NPHP3: variants seen among roughly 807,000 people sequenced by gnomAD.
NPHP3 encodes nephrocystin-3.
In NPHP3, 123 loss-of-function variants were observed where a neutral mutation model predicts 171.9. The observed-to-expected ratio is 0.72, with a 90% CI of 0.62 to 0.83. The LOEUF is 0.83. NPHP3 is among the 40% of genes least tolerant of loss of function. The pLI is 0.00. For synonymous variants in NPHP3, 558 were observed against 579.2 expected (o/e 0.96, Z 0.52); for missense variants, 1,506 against 1,591.9 (o/e 0.95, Z 0.92).
chr3:132,716,737 T>C lies in NPHP3; in HGVS notation c.823+20A>G, dbSNP rs898519948. Reference sequence around the variant, plus strand: ...CAGTCACTACCACTAGGCAAGTAATTGACAAACAGCATGTATTACCTCTAT... The same window carrying C: ...CAGTCACTACCACTAGGCAAGTAATCGACAAACAGCATGTATTACCTCTAT... On this transcript the variant is annotated intron_variant, in intron 4 of 26. Transcript: ENST00000337331. The C allele has an allele frequency of 7.4e-6, 12 of 1,612,772 alleles. No homozygotes were observed. Among genetic ancestry groups the C allele is most frequent in the Middle Eastern group, 1.7e-4 (1 of 5,728 alleles).
At chr3:132,705,909 T>A in intron 7 of NPHP3, 95 bp from the exon 8 acceptor site, 1 of 698,080 alleles carries the variant, frequency 1.4e-6, no homozygotes. Flanking sequence ...ACAGGAACTA[T>A]TCTAAATATT....
At chr3:132,712,755 G>C (rs533662715) in intron 6 of NPHP3, among the ~76,000 whole-genome samples, 1 of 151,298 alleles carries the variant, frequency 6.6e-6, no homozygotes, top group Non-Finnish European at 1.5e-5. Context: ...GACAGAGCAA[G>C]ACTCTGTCTC....
At chr3:132,685,998 G>C (rs766308135) in intron 23 of NPHP3, 1 of 373,378 alleles carries the variant, frequency 2.7e-6, no homozygotes, top group East Asian at 6.4e-5. Context: ...GCAGTGAGCC[G>C]AGATCACACC....
At position 132,689,209 on chromosome 3, in the gene NPHP3, A is replaced by G; in HGVS notation, c.2748T>C (p.Ser916=). The G allele has an allele frequency of 2.5e-6, 4 of 1,614,138 alleles. No homozygotes were observed. Among genetic ancestry groups the G allele is most frequent in the Non-Finnish European group, 1.7e-6 (2 of 1,179,986 alleles). ...AATCGAAGTATTCTGTTGCCATTGCACTTTTGTCTTTGCCAACAAACTGCC... is the reference window on the plus strand; with the variant it reads ...AATCGAAGTATTCTGTTGCCATTGCGCTTTTGTCTTTGCCAACAAACTGCC... ...SYWQFVGKDK[S]AMATEYFDSL... is the part of the protein sequence containing the mutation. The change falls in exon 20 of 27, where the codon AGT becomes AGC. Residue 916 remains serine, a synonymous_variant. Coordinates refer to ENST00000337331, the MANE Select transcript of NPHP3 (RefSeq NM_153240.5).
intron 22 of NPHP3, 26 bp downstream of exon 22, chr3:132,687,125 A>C (rs773489612): frequency 8.6e-7 from 1 of 1,168,164 alleles, no homozygotes; most frequent in Non-Finnish European, 1.3e-6. Flanking sequence ...CGTTCAAAAC[A>C]CAACACAAAA....
intron 16 of NPHP3, among the ~76,000 whole-genome samples, chr3:132,694,386 C>CAA (rs1939391881): frequency 6.6e-6 from 1 of 151,042 alleles, no homozygotes; most frequent in African/African-American, 2.4e-5. Context: ...TGTTTACACA[C>CAA]ACACACACAT....
At chr3:132,721,181 G>C (rs1340459356) in intron 1 of NPHP3, among the ~76,000 whole-genome samples, 2 of 151,984 alleles carry the variant, frequency 1.3e-5, no homozygotes, top group Non-Finnish European at 2.9e-5. Context: ...GCCTCGAAAA[G>C]TGTTGGGATT....
chr3:132,699,767 T>G, intron 12 of NPHP3, 151 bp downstream of exon 12: 2 of 813,086 alleles, frequency 2.5e-6, no homozygotes. Flanking sequence ...ATATATTTTT[T>G]TAATCCATGT....
chr3:132,722,180 G>A lies in NPHP3; in HGVS notation c.176C>T (p.Ser59Leu), dbSNP rs1451081466. Residue 59 changes from serine (S) to leucine (L), a missense_variant, in exon 1 of 27, where the codon TCG becomes TTG. Transcript: ENST00000337331. ...AGAAAGAGPG[S>L]LPRGVGAGGL... Reference sequence around the variant, plus strand: ...GCCCGCGCCCACCCCGCGGGGCAGCGACCCGGGCCCGGCCCCTGCTGCCGC... The same window carrying A: ...GCCCGCGCCCACCCCGCGGGGCAGCAACCCGGGCCCGGCCCCTGCTGCCGC... 1 of 1,530,978 alleles carries A rather than the reference G, an allele frequency of 6.5e-7. No individual in the cohort carries two copies. The highest frequency in any genetic ancestry group is 1.2e-5 in the South Asian group (1 of 83,088). 94.8% of individuals were successfully genotyped at this position (1,530,978 alleles called of 1,614,324 possible).
chr3:132,683,050 G>A (rs753172327), intron 25 of NPHP3, among the ~76,000 whole-genome samples: 3 of 152,110 alleles, frequency 2.0e-5, no homozygotes, highest in Non-Finnish European at 2.9e-5. Flanking sequence ...AATACTGTAA[G>A]CACAAACCTG....
At chr3:132,685,026 C>G in intron 23 of NPHP3, 1 of 501,382 alleles carries the variant, frequency 2.0e-6, no homozygotes. Context: ...TTCTCCACTT[C>G]TGAAAGAAAA....
chr3:132,718,816 C>T (rs1300244900), intron 3 of NPHP3, among the ~76,000 whole-genome samples, 178 bp downstream of exon 3: 2 of 152,180 alleles, frequency 1.3e-5, no homozygotes, highest in Non-Finnish European at 2.9e-5. Flanking sequence ...TCATACACTT[C>T]GTGGAGAAGA....
Position 132,689,254 on chromosome 3 carries a change from A to G in NPHP3, c.2703T>C (p.Phe901=). Residue 901 remains phenylalanine, a synonymous_variant, in exon 20 of 27, where the codon TTT becomes TTC. Transcript: ENST00000337331. ...VSQNLYKRGH[F]AELLSYWQFV... is the part of the protein sequence containing the mutation. ...ACTGCCAATAACTCAGCAACTCAGCAAAGTGTCCCCTGTTTCAACAAATAA... is the reference window on the plus strand; with the variant it reads ...ACTGCCAATAACTCAGCAACTCAGCGAAGTGTCCCCTGTTTCAACAAATAA... 2 of 1,614,166 alleles carry G rather than the reference A, an allele frequency of 1.2e-6. No homozygotes were observed. Among genetic ancestry groups the G allele is most frequent in the Middle Eastern group, 3.3e-4 (2 of 6,062 alleles).
At chr3:132,721,342 A>C (rs1405423894) in intron 1 of NPHP3, 1 of 162,166 alleles carries the variant, frequency 6.2e-6, no homozygotes, top group Non-Finnish European at 1.4e-5. Flanking sequence ...AAGGTTTTCA[A>C]CCATGGTGAG....
At chr3:132,705,578 C>G (rs1939726397) in intron 8 of NPHP3, 162 bp downstream of exon 8, 1 of 567,072 alleles carries the variant, frequency 1.8e-6, no homozygotes, top group African/African-American at 1.9e-5. Flanking sequence ...CCTAGTAATA[C>G]TAAGAACATA....
In NPHP3 at chr3:132,688,755, A is replaced by C; in HGVS notation, c.3020T>G (p.Leu1007Arg). 3.7e-6 allele frequency: 6 copies of C among 1,614,158 alleles called. No homozygotes were observed. The highest frequency in any genetic ancestry group is 4.2e-6 in the Non-Finnish European group (5 of 1,180,006). ...QWKKFGNAEQLYKQALEISEN... is the reference protein window; with the variant it reads ...QWKKFGNAEQRYKQALEISEN... ...TGAGATTTCCAACGCCTGTTTATAC[A>C]GTTGTTCTGCATTGCCAAACTTCTT... Residue 1007 changes from leucine to arginine, a missense_variant, in exon 21 of 27, where the codon CTG (leucine) becomes CGG (arginine). Leu to Arg is a moderately radical substitution (Grantham distance 102, BLOSUM62 -2). Transcript: ENST00000337331.
chr3:132,721,706 G>A (rs985128321), intron 1 of NPHP3: 5 of 671,342 alleles, frequency 7.4e-6, no homozygotes, highest in Admixed American at 2.1e-5. Flanking sequence ...GGAGGCCGAG[G>A]CGGGAGGATC....
chr3:132,701,065 C>A (rs1324218477), intron 10 of NPHP3, among the ~76,000 whole-genome samples: 2 of 151,986 alleles, frequency 1.3e-5, no homozygotes, highest in African/African-American at 4.8e-5. Flanking sequence ...TTTAAAGTAT[C>A]AATGAAACTT....
rs1173532039 is a variant in NPHP3, at chr3:132,681,817, TACA to T, written c.*90_*92del. On this transcript the variant is annotated 3_prime_UTR_variant, in exon 27 of 27. Transcript: ENST00000337331. ...TTAAATCACACGTAGTAAAATTTCG[TACA>T]ACATTTTTTTAAAGTTTCAAATTCA... is the stretch of plus-strand genomic sequence containing the variant. 27 of 1,161,476 alleles carry T rather than the reference TACA, an allele frequency of 2.3e-5. No homozygotes were observed. Among genetic ancestry groups the T allele is most frequent in the South Asian group, 5.1e-5 (4 of 78,736 alleles). 71.9% of individuals were successfully genotyped at this position (1,161,476 alleles called of 1,614,324 possible).
Sources: gnomAD v4.1 joint callset for allele counts (sites outside exome capture counted in the v4.1 genomes callset) on GRCh38, gnomAD v4.1.1 for gene constraint, MANE v1.5 for transcripts, NCBI Gene and HGNC (gene_info 2026-07-23, HGNC 2026-07-21) for gene names.